Variants in ZBTB41 observed in about 807,000 individuals in gnomAD.
ZBTB41 encodes the protein zinc finger and BTB domain-containing protein 41.
A neutral mutation model predicts 87.6 loss-of-function variants in ZBTB41; 42 were observed. That is an observed-to-expected ratio of 0.48 (90% CI 0.37 to 0.62). ZBTB41 has a LOEUF of 0.62. Among genes scored for constraint, ZBTB41 ranks in the 20% least tolerant of loss-of-function variants. The pLI is 0.00. For synonymous variants in ZBTB41, 364 were observed against 364.0 expected (o/e 1.00, Z 0.00); for missense variants, 799 against 1,078.9 (o/e 0.74, Z 3.63).
chr1:197,194,941 A>G (rs1268389335), intron 2 of ZBTB41, among the ~76,000 whole-genome samples: 1 of 152,092 alleles, frequency 6.6e-6, no homozygotes, highest in African/African-American at 2.4e-5. Flanking sequence ...AATATATGTT[A>G]ATCTTCGATT....
rs1271751636 is a variant in ZBTB41 at position 197,176,565 on chromosome 1, T to C, written c.1878A>G (p.Ser626=). Residue 626 remains serine, a splice_region_variant and synonymous_variant, in exon 8 of 11, where the codon TCA becomes TCG. Coordinates refer to ENST00000367405, the MANE Select transcript of ZBTB41 (RefSeq NM_194314.3). ...CTAGCATTACAAAATATGGTATACCTGAATGTATTTTTTTGTGCTTTGTAA... is the reference window on the plus strand; with the variant it reads ...CTAGCATTACAAAATATGGTATACCCGAATGTATTTTTTTGTGCTTTGTAA... ...DHLTKHKKIH[S]GEKAHQCEEC... 5.0e-6 allele frequency: 8 copies of C among 1,605,766 alleles called. No homozygotes were observed. The Admixed American group carries it at 8.4e-5, about 17-fold the overall frequency.
chr1:197,173,712 C>G (rs779026777), intron 9 of ZBTB41, among the ~76,000 whole-genome samples: 1 of 152,100 alleles, frequency 6.6e-6, no homozygotes, highest in Non-Finnish European at 1.5e-5. Flanking sequence ...GCAAAAGACT[C>G]CTAACCAGTA....
chr1:197,165,442 T>C (rs1659314324), intron 10 of ZBTB41, among the ~76,000 whole-genome samples: 1 of 151,818 alleles, frequency 6.6e-6, no homozygotes, highest in South Asian at 2.1e-4. Flanking sequence ...ACCCCGTCTC[T>C]ACTAAAAATG....
At position 197,161,794 on chromosome 1, in the gene ZBTB41, C is replaced by T. The variant is rs956725795; in HGVS notation, c.2075-1780G>A. ...TCCAAAATGCAAGAACTCTTAAGTG[C>T]GTTCTATAAATCCCTGGCATCAATA... On this transcript the variant is annotated intron_variant, in intron 10 of 10. Transcript: ENST00000367405. Among the ~76,000 whole-genome samples the T allele has an allele frequency of 3.3e-5, 5 of 151,878 alleles. No homozygotes were observed. In the South Asian group the frequency reaches 8.3e-4, roughly 25 times the overall value.
intron 10 of ZBTB41, among the ~76,000 whole-genome samples, chr1:197,164,539 T>TA (rs944135307): frequency 2.7e-5 from 4 of 150,518 alleles, no homozygotes; most frequent in African/African-American, 9.7e-5. Context: ...GGCTTGGAAG[T>TA]AAAAAAAGAA....
At chr1:197,197,667 C>T (rs1387614215) in intron 2 of ZBTB41, among the ~76,000 whole-genome samples, 1 of 151,900 alleles carries the variant, frequency 6.6e-6, no homozygotes, top group East Asian at 1.9e-4. Flanking sequence ...CAGTATTTTC[C>T]CAAATTGTGC....
At chr1:197,179,942 T>G (rs1659703765) in intron 6 of ZBTB41, among the ~76,000 whole-genome samples, 1 of 151,784 alleles carries the variant, frequency 6.6e-6, no homozygotes, top group Admixed American at 6.6e-5. Context: ...AGGGAAAAAA[T>G]TTTAATACAT....
chr1:197,194,986 TG>T (rs1292778922), intron 2 of ZBTB41, among the ~76,000 whole-genome samples: 16 of 152,326 alleles, frequency 1.1e-4, no homozygotes, highest in African/African-American at 3.8e-4. Flanking sequence ...GTTTTTTCTT[TG>T]TTTTTGTTTT....
At chr1:197,197,206 T>C (rs899234602) in intron 2 of ZBTB41, among the ~76,000 whole-genome samples, 1 of 151,920 alleles carries the variant, frequency 6.6e-6, no homozygotes, top group African/African-American at 2.4e-5. Flanking sequence ...ACTTTACTTA[T>C]GAGGAAACAA....
chr1:197,160,851 C>T (rs12137359), intron 10 of ZBTB41, among the ~76,000 whole-genome samples: 26,755 of 151,934 alleles, frequency 0.18, 3,856 homozygotes, highest in East Asian at 0.7. Context: ...TAATCATAGG[C>T]GTCGTAGAAG....
chr1:197,185,310 G>C (rs565896488), intron 5 of ZBTB41, among the ~76,000 whole-genome samples: 18 of 151,984 alleles, frequency 1.2e-4, no homozygotes, highest in Non-Finnish European at 2.2e-4. Flanking sequence ...TGAACATGGA[G>C]AGGACCTCTA....
intron 2 of ZBTB41, among the ~76,000 whole-genome samples, chr1:197,193,853 T>C (rs1199666489): frequency 1.3e-5 from 2 of 152,226 alleles, no homozygotes; most frequent in African/African-American, 4.8e-5. Flanking sequence ...CATACTGATA[T>C]TTAAAAAACT....
chr1:197,179,498 T>A (rs1659691801), intron 6 of ZBTB41, among the ~76,000 whole-genome samples: 2 of 152,076 alleles, frequency 1.3e-5, no homozygotes, highest in Admixed American at 1.3e-4. Flanking sequence ...TTATCATGAT[T>A]TAGAGTGTAC....
At chr1:197,181,595 G>T (rs887580183) in intron 5 of ZBTB41, among the ~76,000 whole-genome samples, 10 of 152,194 alleles carry the variant, frequency 6.6e-5, no homozygotes, top group Middle Eastern at 6.8e-3. Context: ...TAAAAAACTG[G>T]AGACAAGACA....
rs762420150 is a variant in ZBTB41, at chr1:197,181,134, A to AG, written c.1547-18_1547-17insC. The AG allele has an allele frequency of 6.4e-7, 1 of 1,562,296 alleles. No individual in the cohort carries two copies. The highest frequency in any genetic ancestry group is 2.2e-5 in the Admixed American group (1 of 45,332). ...GAAAAGGACCTAAAAAGGAAAAAAAAAAAGTGTGCATTTAAAGTTTAAAGA... is the reference window on the plus strand; with the variant it reads ...GAAAAGGACCTAAAAAGGAAAAAAAAGAAAGTGTGCATTTAAAGTTTAAAGA... On this transcript the variant is annotated splice_polypyrimidine_tract_variant and intron_variant, in intron 5 of 10. Coordinates refer to ENST00000367405, the MANE Select transcript of ZBTB41 (RefSeq NM_194314.3).
At chr1:197,179,800 T>C (rs1274636485) in intron 6 of ZBTB41, among the ~76,000 whole-genome samples, 2 of 152,060 alleles carry the variant, frequency 1.3e-5, no homozygotes, top group East Asian at 1.9e-4. Flanking sequence ...AAAAAGCTTA[T>C]AGAAAATAAA....
chr1:197,198,085 T>C (rs1035201250), intron 2 of ZBTB41, among the ~76,000 whole-genome samples: 1 of 152,242 alleles, frequency 6.6e-6, no homozygotes, highest in Non-Finnish European at 1.5e-5. Context: ...CTCACCTCTA[T>C]ACATATCTTC....
At chr1:197,163,538 A>G (rs1195474821) in intron 10 of ZBTB41, among the ~76,000 whole-genome samples, 3 of 151,990 alleles carry the variant, frequency 2.0e-5, no homozygotes, top group African/African-American at 7.2e-5. Flanking sequence ...AATAGGCAAT[A>G]GCAATATTTA....
chr1:197,199,306 C>T (rs1385822045), intron 2 of ZBTB41, 48 bp downstream of exon 2: 1 of 1,440,390 alleles, frequency 6.9e-7, no homozygotes, highest in Non-Finnish European at 9.1e-7. Context: ...TTAAAATATC[C>T]AAGAAAAGTA....
Sources: gnomAD v4.1 joint callset for allele counts (sites outside exome capture counted in the v4.1 genomes callset) on GRCh38, gnomAD v4.1.1 for gene constraint, MANE v1.5 for transcripts, NCBI Gene and HGNC (gene_info 2026-07-23, HGNC 2026-07-21) for gene names.